The following DGKB variants were observed in gnomAD, a reference collection of about 807,000 sequenced individuals.
DGKB encodes diacylglycerol kinase beta, also known as 90 kDa diacylglycerol kinase.
A neutral mutation model predicts 114.3 loss-of-function variants in DGKB; 67 were observed. The observed-to-expected ratio is 0.59, with a 90% confidence interval of 0.48 to 0.72. The LOEUF (loss-of-function observed/expected upper bound fraction) is 0.72, where lower values mean the gene tolerates loss of function less well. Among genes scored for constraint, DGKB ranks in the 30% least tolerant of loss-of-function variants. The probability of loss-of-function intolerance (pLI) is 0.00; values close to 1 mark genes in which losing one functional copy is unlikely to be tolerated. For missense variants in DGKB, 907 were observed against 975.2 expected (o/e 0.93, Z 0.93); for synonymous variants, 398 against 323.1 (o/e 1.23, Z -2.49).
chr7:14,585,264 A>C (rs183970854), intron 17 of DGKB, among the ~76,000 whole-genome samples: 184 of 152,304 alleles, frequency 1.2e-3, no homozygotes, highest in African/African-American at 4.4e-3. Context: ...TATACAATAT[A>C]ATAAACACAT....
At chr7:14,432,230 T>C (rs1036670504) in intron 21 of DGKB, among the ~76,000 whole-genome samples, 12 of 152,296 alleles carry the variant, frequency 7.9e-5, no homozygotes, top group African/African-American at 2.9e-4. Flanking sequence ...TGTAACTGTC[T>C]GTACTTGCTG....
At chr7:14,398,014 T>G (rs1563098898) in intron 21 of DGKB, among the ~76,000 whole-genome samples, 3 of 152,096 alleles carry the variant, frequency 2.0e-5, no homozygotes, top group Admixed American at 6.6e-5. Flanking sequence ...ACAATTTTAC[T>G]GAAATATCTG....
intron 13 of DGKB, among the ~76,000 whole-genome samples, chr7:14,671,835 A>G (rs567380561): frequency 1.3e-5 from 2 of 152,284 alleles, no homozygotes; most frequent in African/African-American, 4.8e-5. Flanking sequence ...TTAAATGAAT[A>G]AAAACAACAT....
intron 1 of DGKB, among the ~76,000 whole-genome samples, chr7:14,853,745 G>T (rs1849715284): frequency 6.6e-6 from 1 of 151,384 alleles, no homozygotes; most frequent in Admixed American, 6.6e-5. Context: ...GTGGGCGCCT[G>T]TAGTCCCAGC....
intron 21 of DGKB, among the ~76,000 whole-genome samples, chr7:14,461,671 G>A (rs1432731799): frequency 6.6e-6 from 1 of 152,076 alleles, no homozygotes; most frequent in African/African-American, 2.4e-5. Context: ...AATTCTACCA[G>A]AGGTATGAAG....
chr7:14,485,171 G>A (rs1783603550), intron 20 of DGKB, among the ~76,000 whole-genome samples: 1 of 150,338 alleles, frequency 6.7e-6, no homozygotes, highest in Admixed American at 6.6e-5. Context: ...GAGTTACAAA[G>A]ATTTAGGGAG....
At chr7:14,943,388 T>C (rs1430317463) in intron 1 of DGKB, among the ~76,000 whole-genome samples, 1 of 151,910 alleles carries the variant, frequency 6.6e-6, no homozygotes, top group Non-Finnish European at 1.5e-5. Context: ...AAACGAAGTG[T>C]ACAATAGATA....
intron 20 of DGKB, among the ~76,000 whole-genome samples, chr7:14,567,888 T>A (rs1306412754): frequency 6.6e-6 from 1 of 152,056 alleles, no homozygotes; most frequent in East Asian, 1.9e-4. Flanking sequence ...ATTAAAGGCG[T>A]GAGCCACAGC....
chr7:14,769,865 G>A (rs917845279), intron 2 of DGKB, among the ~76,000 whole-genome samples: 2 of 151,916 alleles, frequency 1.3e-5, no homozygotes, highest in African/African-American at 4.8e-5. Flanking sequence ...TTTCACATTA[G>A]GCTTAGAGCC....
chr7:14,785,926 C>T (rs1401139384), intron 2 of DGKB, among the ~76,000 whole-genome samples: 7 of 150,312 alleles, frequency 4.7e-5, no homozygotes, highest in South Asian at 4.2e-4. Context: ...GTAAGATCTA[C>T]GGATAAAGAA....
At chr7:14,315,995 A>C (rs1164086497) in intron 23 of DGKB, among the ~76,000 whole-genome samples, 1 of 151,560 alleles carries the variant, frequency 6.6e-6, no homozygotes, top group Non-Finnish European at 1.5e-5. Context: ...AAAACCGCTC[A>C]ACTACATGGA....
chr7:14,753,842 G>T, intron 4 of DGKB, 86 bp downstream of exon 4: 1 of 854,916 alleles, frequency 1.2e-6, no homozygotes, highest in Non-Finnish European at 1.9e-6. Flanking sequence ...CAGAAGTATA[G>T]TTCAGTGATA....
chr7:14,321,443 A>T (rs1218314848), intron 23 of DGKB, among the ~76,000 whole-genome samples: 1 of 152,124 alleles, frequency 6.6e-6, no homozygotes, highest in Admixed American at 6.6e-5. Context: ...GAAATCTTTA[A>T]CCTGAAAAGG....
intron 1 of DGKB, among the ~76,000 whole-genome samples, chr7:14,894,131 T>C (rs1366269577): frequency 6.6e-6 from 1 of 151,380 alleles, no homozygotes; most frequent in Non-Finnish European, 1.5e-5. Flanking sequence ...GGGAAGTTTA[T>C]ACTAAATCCT....
intron 22 of DGKB, among the ~76,000 whole-genome samples, chr7:14,340,159 C>CTTTTTTTTTTTTTTTTTTTTTT (rs35208788): frequency 1.1e-5 from 1 of 89,176 alleles, no homozygotes; most frequent in Non-Finnish European, 2.2e-5. Context: ...CTGGATGATG[C>CTTTTTTTTTTTTTTTTTTTTTT]TTTTTTTTTT....
intron 2 of DGKB, among the ~76,000 whole-genome samples, chr7:14,823,798 A>G (rs1468390467): frequency 6.6e-6 from 1 of 152,164 alleles, no homozygotes; most frequent in African/African-American, 2.4e-5. Flanking sequence ...GCTTTTAAAA[A>G]TAAAATGTAA....
At chr7:14,159,101 A>G (rs1291911299) in intron 25 of DGKB, among the ~76,000 whole-genome samples, 1 of 151,958 alleles carries the variant, frequency 6.6e-6, no homozygotes, top group African/African-American at 2.4e-5. Flanking sequence ...CTTTACTTCC[A>G]TGTTACCCTT....
intron 17 of DGKB, among the ~76,000 whole-genome samples, chr7:14,590,918 G>C (rs143535100): frequency 2.0e-5 from 3 of 152,160 alleles, no homozygotes; most frequent in African/African-American, 4.8e-5. Flanking sequence ...CGCCTGCACT[G>C]TTCTGGCAGA....
chr7:14,277,215 G>C (rs1420444631), intron 23 of DGKB, among the ~76,000 whole-genome samples: 2 of 151,882 alleles, frequency 1.3e-5, no homozygotes, highest in Non-Finnish European at 2.9e-5. Flanking sequence ...CTGTTGCCTG[G>C]GCTAGAGTGC....
Sources: gnomAD v4.1 joint callset for allele counts (sites outside exome capture counted in the v4.1 genomes callset) on GRCh38, gnomAD v4.1.1 for gene constraint, MANE v1.5 for transcripts, NCBI Gene and HGNC (gene_info 2026-07-23, HGNC 2026-07-21) for gene names.